MAP3K6: variants seen among roughly 807,000 people sequenced by gnomAD.
The protein encoded by MAP3K6 is apoptosis signal-regulating kinase 2.
MAP3K6 carries 105 observed loss-of-function variants against 147.1 expected under a neutral mutation model. That is an observed-to-expected ratio of 0.71 (90% CI 0.61 to 0.84). The LOEUF is 0.84. MAP3K6 is among the 40% of genes least tolerant of loss of function. The probability of loss-of-function intolerance (pLI) is 0.00; values close to 1 mark genes in which losing one functional copy is unlikely to be tolerated. For missense variants in MAP3K6, 1,569 were observed against 1,715.0 expected, an observed-to-expected ratio of 0.91 and a Z score of 1.50; for synonymous variants, 695 against 732.4, an observed-to-expected ratio of 0.95 and a Z score of 0.82.
chr1:27,360,142 G>T lies in MAP3K6; in HGVS notation c.2182+99C>A. The T allele has an allele frequency of 1.0e-5, 16 of 1,577,314 alleles. No homozygotes were observed. Among genetic ancestry groups the T allele is most frequent in the Non-Finnish European group, 1.3e-5 (15 of 1,157,430 alleles). ...TAATTCTAGGCTACACCACCCACAC[G>T]CACTAGGGTGCATTTCCCCCTAGGG... On this transcript the variant is annotated intron_variant, in intron 16 of 28. Coordinates refer to ENST00000357582, the MANE Select transcript of MAP3K6 (RefSeq NM_004672.5). The surrounding 1 kb of genome is among the most constrained non-coding windows in gnomAD (Gnocchi z 4.5).
At position 27,358,551 on chromosome 1, in the gene MAP3K6, A is replaced by G; in HGVS notation, c.2644T>C (p.Phe882Leu). The G allele has an allele frequency of 6.2e-7, 1 of 1,612,822 alleles. No homozygotes were observed. The highest frequency in any genetic ancestry group is 1.1e-5 in the South Asian group (1 of 90,972). ...PSSLSAEAQA[F>L]LLRTFEPDPR... ...TCTGGCTCAAAAGTTCGGAGGAGAA[A>G]GGCTTGGGCCTCGGCCGACAGAGAG... The change falls in exon 20 of 29, where the codon TTT becomes CTT. Residue 882 changes from phenylalanine (F) to leucine (L), a missense_variant. Coordinates refer to ENST00000357582, the MANE Select transcript of MAP3K6 (RefSeq NM_004672.5). This position sits in a 1 kb window ranked among gnomAD's most constrained non-coding sequence, Gnocchi z 6.2.
intron 26 of MAP3K6, 118 bp from the exon 27 acceptor site, chr1:27,356,217 A>T: frequency 8.8e-7 from 1 of 1,137,942 alleles, no homozygotes; most frequent in East Asian, 2.4e-5. Context: ...AAGTCAGGTG[A>T]TGAGCCCAAG....
In MAP3K6 at chr1:27,364,132, G is replaced by C. The variant is rs767798643; in HGVS notation, c.696-47C>G. On this transcript the variant is annotated intron_variant, in intron 4 of 28. Coordinates refer to ENST00000357582, the MANE Select transcript of MAP3K6 (RefSeq NM_004672.5). This position sits in a 1 kb window ranked among gnomAD's most constrained non-coding sequence, Gnocchi z 4.4. The stretch of plus-strand genomic sequence containing the variant: ...GCAGGGAGAGAGAATGGTGGGGCCT[G>C]TACCTCAGCCCCAGCCCACCATACC... 1 of 1,600,666 alleles carries C rather than the reference G, an allele frequency of 6.2e-7. No homozygotes were observed. Among genetic ancestry groups the C allele is most frequent in the African/African-American group, 1.3e-5 (1 of 74,788 alleles).
In MAP3K6 at chr1:27,361,523, G is replaced by T; in HGVS notation, c.1683C>A (p.Thr561=). The part of the protein sequence containing the change: ...TVTLSLLEPE[T]QDIPSSWTFP... The stretch of plus-strand genomic sequence containing the variant: ...GGGGCCTCAGCAGCGACTTCACCTG[G>T]GTCTCAGGCTCCAGCAGGCTCAGGG... The change falls in exon 11 of 29, where the codon ACC becomes ACA. Residue 561 remains threonine (T), a synonymous_variant. Coordinates refer to ENST00000357582, the MANE Select transcript of MAP3K6 (RefSeq NM_004672.5). The T allele has an allele frequency of 1.2e-6, 2 of 1,614,112 alleles. No homozygotes were observed. Among genetic ancestry groups the T allele is most frequent in the Non-Finnish European group, 1.7e-6 (2 of 1,179,988 alleles).
Position 27,360,384 on chromosome 1 carries a change from G to A in MAP3K6, c.2055-16C>T. ...CTGAGAGAACCTGAGGGGAGGTAAG[G>A]GAGAGAGGAAAGGGACCGAGGTGGG... On this transcript the variant is annotated splice_polypyrimidine_tract_variant and intron_variant, in intron 15 of 28. Coordinates refer to ENST00000357582, the MANE Select transcript of MAP3K6 (RefSeq NM_004672.5). The surrounding 1 kb of genome is among the most constrained non-coding windows in gnomAD (Gnocchi z 4.5). 2 of 1,611,438 alleles carry A rather than the reference G, an allele frequency of 1.2e-6. No individual in the cohort carries two copies. Among genetic ancestry groups the A allele is most frequent in the Non-Finnish European group, 1.7e-6 (2 of 1,178,764 alleles).
chr1:27,358,537 A>C lies in MAP3K6; in HGVS notation c.2658T>G (p.Thr886=). The change falls in exon 20 of 29, where the codon ACT becomes ACG. Residue 886 remains threonine, a synonymous_variant. Transcript: ENST00000357582. This position sits in a 1 kb window ranked among gnomAD's most constrained non-coding sequence, Gnocchi z 6.2. Reference sequence around the variant, plus strand: ...CTCGGAGGCGGGGGTCTGGCTCAAAAGTTCGGAGGAGAAAGGCTTGGGCCT... The same window carrying C: ...CTCGGAGGCGGGGGTCTGGCTCAAACGTTCGGAGGAGAAAGGCTTGGGCCT... ...SAEAQAFLLR[T]FEPDPRLRAS... 6.2e-7 allele frequency: 1 copy of C among 1,611,590 alleles called. No individual in the cohort carries two copies. Among genetic ancestry groups the C allele is most frequent in the Middle Eastern group, 1.7e-4 (1 of 6,034 alleles).
At chr1:27,356,978 T>A in intron 24 of MAP3K6, 31 bp downstream of exon 24, 1 of 1,598,426 alleles carries the variant, frequency 6.3e-7, no homozygotes, top group Non-Finnish European at 8.6e-7. Flanking sequence ...ACACCCTCGC[T>A]GGCAGGAGGC....
In MAP3K6 at chr1:27,360,643, G is replaced by A; in HGVS notation, c.2054+62C>T. On this transcript the variant is annotated intron_variant, in intron 15 of 28. Transcript: ENST00000357582. This position sits in a 1 kb window ranked among gnomAD's most constrained non-coding sequence, Gnocchi z 4.5. Reference sequence around the variant, plus strand: ...CCCGCCCACAGGAGCCGCTCCGCTCGTGGCCCGGCTCACTCGGCCCTCGCG... The same window carrying A: ...CCCGCCCACAGGAGCCGCTCCGCTCATGGCCCGGCTCACTCGGCCCTCGCG... 4 of 1,556,084 alleles carry A rather than the reference G, an allele frequency of 2.6e-6. No homozygotes were observed. The highest frequency in any genetic ancestry group is 1.2e-5 in the South Asian group (1 of 84,702).
rs756936186 is a variant in MAP3K6, at chr1:27,358,749, G to A, written c.2543C>T (p.Pro848Leu). The A allele has an allele frequency of 5.0e-6, 8 of 1,613,994 alleles. No individual in the cohort carries two copies. Among genetic ancestry groups the A allele is most frequent in the Admixed American group, 1.7e-5 (1 of 60,010 alleles). The stretch of plus-strand genomic sequence containing the variant: ...CTGTGGGCTCCCGAGCTCGTGGAAG[G>A]GGGGGCGACCTGTGGCCATCTCAAT... ...TVIEMATGRP[P>L]FHELGSPQAA... The change falls in exon 19 of 29, where the codon CCC becomes CTC. Residue 848 changes from proline to leucine, a missense_variant. Pro to Leu is a moderately conservative substitution (Grantham distance 98). Coordinates refer to ENST00000357582, the MANE Select transcript of MAP3K6 (RefSeq NM_004672.5). This position sits in a 1 kb window ranked among gnomAD's most constrained non-coding sequence, Gnocchi z 6.2.
rs372486216 is a variant in MAP3K6 at position 27,358,773 on chromosome 1, A to G, written c.2519T>C (p.Ile840Thr). The change falls in exon 19 of 29, where the codon ATT becomes ACT. Residue 840 changes from isoleucine (I) to threonine (T), a missense_variant. Physicochemically the swap from Ile to Thr is moderately conservative, Grantham distance 89 (BLOSUM62 -1). Coordinates refer to ENST00000357582, the MANE Select transcript of MAP3K6 (RefSeq NM_004672.5). This position sits in a 1 kb window ranked among gnomAD's most constrained non-coding sequence, Gnocchi z 6.2. ...GGGGGGGCGACCTGTGGCCATCTCA[A>G]TGACAGTGCAGCCCAGTGACCAGAT... Reference protein sequence around the residue: ...ADIWSLGCTVIEMATGRPPFH... With the variant: ...ADIWSLGCTVTEMATGRPPFH... 2.4e-5 allele frequency: 38 copies of G among 1,613,946 alleles called. No individual in the cohort carries two copies. Among genetic ancestry groups the G allele is most frequent in the Admixed American group, 1.2e-4 (7 of 59,994 alleles).
intron 28 of MAP3K6, 37 bp from the exon 29 acceptor site, chr1:27,355,506 G>T (rs765918928): frequency 1.2e-6 from 2 of 1,608,452 alleles, no homozygotes; most frequent in Non-Finnish European, 1.7e-6. Context: ...CAGCCAGAAG[G>T]TGGCCCTGGA....
Position 27,366,580 on chromosome 1 carries a change from G to A in MAP3K6, c.18C>T (p.Pro6=), listed in dbSNP as rs1345484821. 8.3e-6 allele frequency: 9 copies of A among 1,081,072 alleles called. No homozygotes were observed. The highest frequency in any genetic ancestry group is 9.0e-6 in the Non-Finnish European group (8 of 892,716). 67.0% of individuals were successfully genotyped at this position (1,081,072 alleles called of 1,614,324 possible). Residue 6 remains proline (P), a synonymous_variant, in exon 1 of 29, where the codon CCC becomes CCT. Coordinates refer to ENST00000357582, the MANE Select transcript of MAP3K6 (RefSeq NM_004672.5). The surrounding 1 kb of genome is among the most constrained non-coding windows in gnomAD (Gnocchi z 5.5). Reference sequence around the variant, plus strand: ...TGCCGGCGCGCTCCGCCCCGGACCGGGGACACGGCCCCGCCATGCGGGGGC... The same window carrying A: ...TGCCGGCGCGCTCCGCCCCGGACCGAGGACACGGCCCCGCCATGCGGGGGC... MAGPC[P]RSGAERAGSC...
chr1:27,357,898 T>C (rs1011773736), intron 21 of MAP3K6, 22 bp from the exon 22 acceptor site: 12 of 1,564,628 alleles, frequency 7.7e-6, no homozygotes, highest in Non-Finnish European at 9.5e-6. Context: ...GGCGAGCTGC[T>C]GATTGAGGAC....
At position 27,358,723 on chromosome 1, in the gene MAP3K6, C is replaced by A; in HGVS notation, c.2569G>T (p.Ala857Ser). Residue 857 changes from alanine (A) to serine (S), a missense_variant, in exon 19 of 29, where the codon GCT (alanine) becomes TCT (serine). Physicochemically the swap from Ala to Ser is moderately conservative, Grantham distance 99 (BLOSUM62 1). Transcript: ENST00000357582. This position sits in a 1 kb window ranked among gnomAD's most constrained non-coding sequence, Gnocchi z 6.2. ...PPFHELGSPQ[A>S]AMFQVGMYKV... Reference sequence around the variant, plus strand: ...AGAGGTCTCACCTGAAACATGGCAGCCTGTGGGCTCCCGAGCTCGTGGAAG... The same window carrying A: ...AGAGGTCTCACCTGAAACATGGCAGACTGTGGGCTCCCGAGCTCGTGGAAG... 1 of 1,613,894 alleles carries A rather than the reference C, an allele frequency of 6.2e-7. No individual in the cohort carries two copies. Among genetic ancestry groups the A allele is most frequent in the Non-Finnish European group, 8.5e-7 (1 of 1,179,998 alleles).
chr1:27,363,072 T>A, intron 6 of MAP3K6, 51 bp from the exon 7 acceptor site: 1 of 1,523,810 alleles, frequency 6.6e-7, no homozygotes, highest in East Asian at 2.3e-5. Context: ...GCCTACTCTG[T>A]CCAGGGACCT....
rs1557560402 is a variant in MAP3K6 at position 27,360,069 on chromosome 1, C to T, written c.2183-75G>A. On this transcript the variant is annotated intron_variant, in intron 16 of 28. Transcript: ENST00000357582. This position sits in a 1 kb window ranked among gnomAD's most constrained non-coding sequence, Gnocchi z 4.5. ...CACATCTCTCTGCTCAAGGCCCAGACACACCCATGTTGTAGCCCAACTCCA... is the reference window on the plus strand; with the variant it reads ...CACATCTCTCTGCTCAAGGCCCAGATACACCCATGTTGTAGCCCAACTCCA... 6.9e-6 allele frequency: 11 copies of T among 1,601,212 alleles called. 1 individual carries two copies. Among genetic ancestry groups the T allele is most frequent in the South Asian group, 1.1e-5 (1 of 90,162 alleles).
At position 27,359,899 on chromosome 1, in the gene MAP3K6, C is replaced by G. The variant is rs2015680568; in HGVS notation, c.2278G>C (p.Gly760Arg). The change falls in exon 17 of 29, where the codon GGC becomes CGC. Residue 760 changes from glycine (G) to arginine (R), a missense_variant. Physicochemically the swap from Gly to Arg is moderately radical, Grantham distance 125. Coordinates refer to ENST00000357582, the MANE Select transcript of MAP3K6 (RefSeq NM_004672.5). The surrounding 1 kb of genome is among the most constrained non-coding windows in gnomAD (Gnocchi z 4.4). ...ACGATGTGGTTGTCGTGCAAGTAGC[C>G]AAGTCCCTGCAGGATCTGGCGGGTG... ...FYTRQILQGL[G>R]YLHDNHIVHR... The G allele has an allele frequency of 6.2e-7, 1 of 1,614,052 alleles. No individual in the cohort carries two copies. The highest frequency in any genetic ancestry group is 8.5e-7 in the Non-Finnish European group (1 of 1,180,028).
intron 9 of MAP3K6, 84 bp downstream of exon 9, chr1:27,362,007 A>C (rs926274177): frequency 6.5e-7 from 1 of 1,534,164 alleles, no homozygotes; most frequent in African/African-American, 1.4e-5. Flanking sequence ...TCATTGGCTC[A>C]GGGTTCAGTC....
chr1:27,364,970 C>G lies in MAP3K6; in HGVS notation c.341-58G>C. On this transcript the variant is annotated intron_variant, in intron 1 of 28. Coordinates refer to ENST00000357582, the MANE Select transcript of MAP3K6 (RefSeq NM_004672.5). The surrounding 1 kb of genome is among the most constrained non-coding windows in gnomAD (Gnocchi z 4.4). ...GAAGCCCAGCTTGATGGGGAAGGAG[C>G]CGGGGTCCATCCTGGCTTGACCTGC... 6.5e-7 allele frequency: 1 copy of G among 1,527,664 alleles called. No homozygotes were observed. Among genetic ancestry groups the G allele is most frequent in the Non-Finnish European group, 8.8e-7 (1 of 1,133,718 alleles). The allele number at this position is 1,527,664 out of a possible 1,614,324, so 94.6% of individuals were successfully genotyped here.
Sources: gnomAD v4.1 joint callset for allele counts on GRCh38, gnomAD v4.1.1 for gene constraint, Gnocchi (gnomAD v3.1) non-coding constraint, MANE v1.5 for transcripts, NCBI Gene and HGNC (gene_info 2026-07-23, HGNC 2026-07-21) for gene names.